Variants in BCAS3 observed in about 807,000 individuals in gnomAD.
BCAS3 encodes BCAS3 microtubule associated cell migration factor.
Under a neutral mutation model 116.1 loss-of-function variants are expected in BCAS3, and 53 were observed. The observed-to-expected ratio is 0.46, with a 90% CI of 0.37 to 0.57. The LOEUF (loss-of-function observed/expected upper bound fraction) is 0.57, where lower values mean the gene tolerates loss of function less well. BCAS3 is among the 20% of genes least tolerant of loss of function. BCAS3 has a pLI of 0.00. For missense variants in BCAS3, 917 were observed against 1,165.4 expected, an observed-to-expected ratio of 0.79 and a Z score of 3.10; for synonymous variants, 391 against 408.2, an observed-to-expected ratio of 0.96 and a Z score of 0.51.
chr17:60,896,185 C>T (rs1376651922), intron 10 of BCAS3, among the ~76,000 whole-genome samples: 2 of 152,196 alleles, frequency 1.3e-5, no homozygotes, highest in East Asian at 1.9e-4. Context: ...AATAGCCAGG[C>T]ATGGTGGCGT....
intron 5 of BCAS3, among the ~76,000 whole-genome samples, chr17:60,746,562 AATG>A (rs1359677747): frequency 6.6e-6 from 1 of 152,168 alleles, no homozygotes; most frequent in African/African-American, 2.4e-5. Context: ...GTATAATAAA[AATG>A]ATGACTTTTA....
chr17:60,915,998 C>G (rs1261323335), intron 12 of BCAS3, among the ~76,000 whole-genome samples: 1 of 152,072 alleles, frequency 6.6e-6, no homozygotes, highest in African/African-American at 2.4e-5. Flanking sequence ...TTGTACTTTT[C>G]AATCACTCTG....
chr17:60,710,581 G>A (rs189602382), intron 5 of BCAS3, among the ~76,000 whole-genome samples: 90 of 151,838 alleles, frequency 5.9e-4, no homozygotes, highest in African/African-American at 1.1e-3. Flanking sequence ...ATAGGCGCCC[G>A]CCACCACGCC....
chr17:61,236,465 A>T (rs183552675), intron 22 of BCAS3, among the ~76,000 whole-genome samples: 1 of 152,050 alleles, frequency 6.6e-6, no homozygotes, highest in Admixed American at 6.6e-5. Flanking sequence ...GACTATAGGC[A>T]CCCGCCACCA....
chr17:61,141,752 T>C lies in BCAS3; in HGVS notation c.2425+57188T>C, dbSNP rs534008981. 5.3e-5 allele frequency among the ~76,000 whole-genome samples: 8 copies of C among 150,330 alleles called. No homozygotes were observed. Among genetic ancestry groups the C allele is most frequent in the African/African-American group, 2.0e-4 (8 of 40,768 alleles). On this transcript the variant is annotated intron_variant, in intron 22 of 23. Coordinates refer to ENST00000407086, the MANE Select transcript of BCAS3 (RefSeq NM_017679.5). The surrounding 1 kb of genome is among the most constrained non-coding windows in gnomAD (Gnocchi z 4.3). ...CCCACCTCTACTAAAAATACAAAAATTAGCTGGGCGTGGTGGCGCACGCCT... is the reference window on the plus strand; with the variant it reads ...CCCACCTCTACTAAAAATACAAAAACTAGCTGGGCGTGGTGGCGCACGCCT...
intron 3 of BCAS3, among the ~76,000 whole-genome samples, chr17:60,686,950 C>T (rs2034143311): frequency 6.6e-6 from 1 of 152,038 alleles, no homozygotes; most frequent in Non-Finnish European, 1.5e-5. Flanking sequence ...AATTAATAAG[C>T]AAATGATGAT....
intron 7 of BCAS3, among the ~76,000 whole-genome samples, chr17:60,847,233 T>C (rs952795778): frequency 2.6e-5 from 4 of 152,370 alleles, no homozygotes; most frequent in Non-Finnish European, 5.9e-5. Flanking sequence ...TCCATTCATC[T>C]GTTGAGAGAC....
chr17:60,958,537 G>C (rs933607073), intron 14 of BCAS3, among the ~76,000 whole-genome samples: 5 of 151,796 alleles, frequency 3.3e-5, no homozygotes, highest in Admixed American at 2.6e-4. Context: ...ATATTGCTCA[G>C]AGTAAAGACC....
chr17:61,269,922 G>A (rs1356193504), intron 22 of BCAS3, among the ~76,000 whole-genome samples: 1 of 151,080 alleles, frequency 6.6e-6, no homozygotes, highest in Non-Finnish European at 1.5e-5. Flanking sequence ...TTGTGCCTCA[G>A]TCCCCTAGGT....
chr17:61,236,028 G>A (rs2083030263), intron 22 of BCAS3, among the ~76,000 whole-genome samples: 1 of 152,204 alleles, frequency 6.6e-6, no homozygotes, highest in African/African-American at 2.4e-5. Flanking sequence ...TGCCTTGTGA[G>A]CTTGGAATGT....
rs1223879432 is a variant in BCAS3, at chr17:61,012,701, G to C, written c.1487-3050G>C. On this transcript the variant is annotated intron_variant, in intron 15 of 23. Coordinates refer to ENST00000407086, the MANE Select transcript of BCAS3 (RefSeq NM_017679.5). The surrounding 1 kb of genome is among the most constrained non-coding windows in gnomAD (Gnocchi z 4.5). The stretch of plus-strand genomic sequence containing the variant: ...TGGACTCTACAGCATAAACACAGGA[G>C]CAGGCTGAGAAGGATAGATCTGAAG... Among the ~76,000 whole-genome samples the C allele has an allele frequency of 2.0e-5, 3 of 152,042 alleles. No homozygotes were observed. Among genetic ancestry groups the C allele is most frequent in the Non-Finnish European group, 2.9e-5 (2 of 67,940 alleles).
chr17:60,766,507 G>T (rs1414750772), intron 6 of BCAS3, among the ~76,000 whole-genome samples: 1 of 152,116 alleles, frequency 6.6e-6, no homozygotes, highest in Non-Finnish European at 1.5e-5. Flanking sequence ...TCTTTGCCTG[G>T]GTACCACCAG....
At chr17:61,074,867 T>A in intron 19 of BCAS3, 53 bp from the exon 20 acceptor site, 1 of 1,335,992 alleles carries the variant, frequency 7.5e-7, no homozygotes, top group Non-Finnish European at 1.1e-6. Context: ...CCCACGTCTG[T>A]TTTTCCACTG....
At chr17:60,719,619 C>T (rs1165502070) in intron 5 of BCAS3, among the ~76,000 whole-genome samples, 1 of 152,110 alleles carries the variant, frequency 6.6e-6, no homozygotes, top group Non-Finnish European at 1.5e-5. Context: ...ATTTGAATTG[C>T]AGGATGAGGA....
intron 22 of BCAS3, among the ~76,000 whole-genome samples, chr17:61,191,410 T>G (rs1481137056): frequency 6.6e-6 from 1 of 152,060 alleles, no homozygotes; most frequent in Non-Finnish European, 1.5e-5. Context: ...AAGTAATAAC[T>G]TTACAAAACA....
chr17:61,172,750 C>T (rs919735158), intron 22 of BCAS3, among the ~76,000 whole-genome samples: 1 of 151,766 alleles, frequency 6.6e-6, no homozygotes, highest in Non-Finnish European at 1.5e-5. Context: ...CTTTGGGAGG[C>T]CAAGGCGGGC....
At chr17:60,851,282 C>A in intron 7 of BCAS3, 1 of 292,244 alleles carries the variant, frequency 3.4e-6, no homozygotes, top group South Asian at 3.4e-5. Context: ...GCAGCTCGGG[C>A]TGCAGGAGGA....
At chr17:61,166,759 G>C (rs2078531737) in intron 22 of BCAS3, among the ~76,000 whole-genome samples, 1 of 152,072 alleles carries the variant, frequency 6.6e-6, no homozygotes, top group Non-Finnish European at 1.5e-5. Context: ...CGTCGCACAG[G>C]CTGGAGTGTA....
In BCAS3 at chr17:60,694,118, C is replaced by T. The variant is rs536196793; in HGVS notation, c.214+4357C>T. 4.0e-5 allele frequency among the ~76,000 whole-genome samples: 6 copies of T among 150,644 alleles called. No individual in the cohort carries two copies. The South Asian group carries it at 1.3e-3, about 32-fold the overall frequency. ...AGCCAGGATGGTCTCGATCTCCTGA[C>T]CTCATGATCTGCCCGCTTCGGCCTT... On this transcript the variant is annotated intron_variant, in intron 4 of 23. Coordinates refer to ENST00000407086, the MANE Select transcript of BCAS3 (RefSeq NM_017679.5).
Sources: gnomAD v4.1 joint callset for allele counts (sites outside exome capture counted in the v4.1 genomes callset) on GRCh38, gnomAD v4.1.1 for gene constraint, Gnocchi (gnomAD v3.1) non-coding constraint, MANE v1.5 for transcripts, NCBI Gene and HGNC (gene_info 2026-07-23, HGNC 2026-07-21) for gene names.